DUSP22: variants seen among roughly 807,000 people sequenced by gnomAD.
DUSP22 encodes the protein dual specificity protein phosphatase 22.
DUSP22 carries 24 observed loss-of-function variants against 24.5 expected under a neutral mutation model. The observed-to-expected ratio is 0.98, with a 90% CI of 0.71 to 1.38. The LOEUF is 1.38. DUSP22 is among the 40% of genes most tolerant of loss of function. The pLI, the probability that DUSP22 is intolerant of heterozygous loss-of-function variation, is 0.00. For synonymous variants in DUSP22, 160 were observed against 106.4 expected (o/e 1.50, Z -3.10); for missense variants, 330 against 269.2 (o/e 1.23, Z -1.58).
intron 2 of DUSP22, among the ~76,000 whole-genome samples, chr6:309,752 C>T (rs1452310411): frequency 7.2e-5 from 11 of 152,260 alleles, no homozygotes; most frequent in South Asian, 4.1e-4. Flanking sequence ...CTTGTAATTC[C>T]GTCTCTGAGC....
At chr6:341,715 A>T (rs1468375084) in intron 4 of DUSP22, among the ~76,000 whole-genome samples, 1 of 152,304 alleles carries the variant, frequency 6.6e-6, no homozygotes, top group Non-Finnish European at 1.5e-5. Context: ...CCAGGCCCCC[A>T]ACATGGTGGT....
intron 3 of DUSP22, among the ~76,000 whole-genome samples, chr6:313,161 A>C (rs1440127195): frequency 6.6e-6 from 1 of 152,308 alleles, no homozygotes; most frequent in Non-Finnish European, 1.5e-5. Context: ...GTTAAACTGC[A>C]AACTGGTCAT....
At chr6:338,433 C>G (rs1375925983) in intron 4 of DUSP22, among the ~76,000 whole-genome samples, 1 of 152,300 alleles carries the variant, frequency 6.6e-6, no homozygotes, top group African/African-American at 2.4e-5. Context: ...AGGCAGAACA[C>G]CTACCTCTCT....
At chr6:316,481 G>A (rs1313945474) in intron 3 of DUSP22, among the ~76,000 whole-genome samples, 3 of 152,418 alleles carry the variant, frequency 2.0e-5, no homozygotes, top group Admixed American at 1.3e-4. Context: ...TTGTGGGGAC[G>A]GGTGGGAGCG....
intron 1 of DUSP22, among the ~76,000 whole-genome samples, chr6:293,899 A>G (rs1757207881): frequency 6.7e-6 from 1 of 148,888 alleles, no homozygotes; most frequent in Non-Finnish European, 1.5e-5. Flanking sequence ...ACTGGAATCC[A>G]TCAGCACCAC....
At chr6:304,907 C>G (rs1386144029) in intron 2 of DUSP22, among the ~76,000 whole-genome samples, 2 of 152,306 alleles carry the variant, frequency 1.3e-5, no homozygotes, top group African/African-American at 2.4e-5. Context: ...CTCTATGAAT[C>G]TCACAACTAT....
Position 345,947 on chromosome 6 carries a change from T to TA in DUSP22, c.263+21dup, listed in dbSNP as rs1759849862. On this transcript the variant is annotated intron_variant, in intron 5 of 6. Transcript: ENST00000419235. The stretch of plus-strand genomic sequence containing the variant: ...TACACTGGTACGTGTGTCTCTTGCT[T>TA]AATAGCGCCTTAGCGTATTCTGGTC... 1.2e-6 allele frequency: 2 copies of TA among 1,613,984 alleles called. No homozygotes were observed. The highest frequency in any genetic ancestry group is 1.7e-6 in the Non-Finnish European group (2 of 1,179,858).
intron 1 of DUSP22, among the ~76,000 whole-genome samples, chr6:299,261 G>C (rs3800240): frequency 0.11 from 16,111 of 147,664 alleles, 44 homozygotes; most frequent in East Asian, 0.29. Context: ...TGGTCAGCCA[G>C]GTTGTTGCAG....
intron 4 of DUSP22, among the ~76,000 whole-genome samples, chr6:341,193 G>A (rs953603960): frequency 1.5e-4 from 23 of 152,422 alleles, no homozygotes; most frequent in African/African-American, 3.4e-4. Context: ...GGTCCGGTCC[G>A]TGCTTCCTTG....
chr6:293,515 C>G (rs1030665862), intron 1 of DUSP22, among the ~76,000 whole-genome samples: 6 of 152,296 alleles, frequency 3.9e-5, no homozygotes, highest in African/African-American at 1.4e-4. Context: ...GCGCTCCACC[C>G]ACCCACATCT....
Position 349,236 on chromosome 6 carries a change from T to A in DUSP22, c.*285T>A. Reference sequence around the variant, plus strand: ...GTGTGTGAGTGCACTTGTGTGTGGGTGACTAAGTGGATGCATGTGTGTGCC... The same window carrying A: ...GTGTGTGAGTGCACTTGTGTGTGGGAGACTAAGTGGATGCATGTGTGTGCC... On this transcript the variant is annotated 3_prime_UTR_variant, in exon 7 of 7. Coordinates refer to ENST00000419235, the MANE Select transcript of DUSP22 (RefSeq NM_001286555.3). 7.3e-7 allele frequency: 1 copy of A among 1,368,098 alleles called. No homozygotes were observed. The highest frequency in any genetic ancestry group is 9.4e-7 in the Non-Finnish European group (1 of 1,058,994). 84.7% of individuals were successfully genotyped at this position (1,368,098 alleles called of 1,614,324 possible). A position where few individuals can be genotyped will look rare whatever the true frequency, so the allele number is the denominator to read the frequency against.
At chr6:318,022 C>T (rs1375819322) in intron 3 of DUSP22, among the ~76,000 whole-genome samples, 4 of 152,308 alleles carry the variant, frequency 2.6e-5, no homozygotes, top group Non-Finnish European at 4.4e-5. Flanking sequence ...AATGCAGCCT[C>T]GCTTATATGG....
intron 3 of DUSP22, among the ~76,000 whole-genome samples, chr6:313,230 T>G (rs1359165069): frequency 2.6e-5 from 4 of 152,304 alleles, no homozygotes; most frequent in African/African-American, 9.6e-5. Flanking sequence ...TTTAATAAAT[T>G]GCAGAGATGC....
At chr6:347,989 A>T in intron 5 of DUSP22, 114 bp from the exon 6 acceptor site, 5 of 1,482,636 alleles carry the variant, frequency 3.4e-6, no homozygotes, top group Non-Finnish European at 4.6e-6. Flanking sequence ...ATATAATCCA[A>T]GGCAGGAAGA....
chr6:318,641 A>G (rs959311962), intron 3 of DUSP22, among the ~76,000 whole-genome samples: 14 of 152,292 alleles, frequency 9.2e-5, no homozygotes, highest in African/African-American at 3.1e-4. Context: ...TTTCCTGTCC[A>G]GAACCTGCAA....
intron 3 of DUSP22, among the ~76,000 whole-genome samples, chr6:323,900 G>T (rs1758724935): frequency 6.6e-6 from 1 of 152,308 alleles, no homozygotes; most frequent in Non-Finnish European, 1.5e-5. Flanking sequence ...AGTGGAAGCA[G>T]TTCGAAGTCT....
chr6:322,436 G>T (rs1416640968), intron 3 of DUSP22, among the ~76,000 whole-genome samples: 1 of 152,420 alleles, frequency 6.6e-6, no homozygotes, highest in Middle Eastern at 3.4e-3. Context: ...TCTGGCCCCA[G>T]TGTAGAGCTT....
chr6:304,515 A>G, intron 1 of DUSP22, 113 bp from the exon 2 acceptor site: 2 of 1,469,526 alleles, frequency 1.4e-6, no homozygotes, highest in Admixed American at 1.7e-5. Flanking sequence ...GAGGTGCTGT[A>G]CTGGGGAAGC....
At chr6:305,815 A>G (rs928780934) in intron 2 of DUSP22, among the ~76,000 whole-genome samples, 4 of 152,304 alleles carry the variant, frequency 2.6e-5, no homozygotes, top group African/African-American at 9.6e-5. Context: ...AGACCATGTC[A>G]TAGGCAGCTA....
Sources: allele counts gnomAD v4.1 joint callset (sites outside exome capture counted in the v4.1 genomes callset), GRCh38; gene constraint gnomAD v4.1.1; transcripts MANE v1.5; gene names NCBI Gene and HGNC (gene_info 2026-07-23, HGNC 2026-07-21).